Variants in RNASEH2A observed in about 807,000 individuals in gnomAD.
RNASEH2A encodes ribonuclease H2 subunit A, also known as RNase H(35).
A neutral mutation model predicts 32.7 loss-of-function variants in RNASEH2A; 30 were observed. The observed-to-expected ratio is 0.92, with a 90% CI of 0.69 to 1.25. The LOEUF is 1.25. Among genes scored for constraint, RNASEH2A ranks in the 50% most tolerant of loss-of-function variants. The pLI is 0.00. For missense variants in RNASEH2A, 409 were observed against 398.1 expected, an observed-to-expected ratio of 1.03 and a Z score of -0.23; for synonymous variants, 147 against 165.4, an observed-to-expected ratio of 0.89 and a Z score of 0.86.
At chr19:12,812,180 G>C (rs1204738233) in intron 6 of RNASEH2A, among the ~76,000 whole-genome samples, 1 of 151,916 alleles carries the variant, frequency 6.6e-6, no homozygotes, top group Non-Finnish European at 1.5e-5. Flanking sequence ...GTTGCATTGA[G>C]CTGTGATAAT....
intron 6 of RNASEH2A, among the ~76,000 whole-genome samples, chr19:12,812,320 G>C (rs933278794): frequency 1.3e-5 from 2 of 151,762 alleles, no homozygotes; most frequent in Non-Finnish European, 1.5e-5. Context: ...CTGAGGTCAG[G>C]AGTTTGAGAC....
intron 4 of RNASEH2A, among the ~76,000 whole-genome samples, chr19:12,808,751 A>G (rs768985663): frequency 1.3e-4 from 20 of 152,300 alleles, no homozygotes; most frequent in Non-Finnish European, 2.2e-4. Context: ...TCAATGAAAG[A>G]ATGGACCGTT....
chr19:12,810,022 C>T, intron 4 of RNASEH2A, 49 bp from the exon 5 acceptor site: 1 of 1,612,066 alleles, frequency 6.2e-7, no homozygotes, highest in South Asian at 1.1e-5. Flanking sequence ...GAGGCTAGAG[C>T]ATTGGTACAG....
At chr19:12,809,500 C>A (rs1315204450) in intron 4 of RNASEH2A, among the ~76,000 whole-genome samples, 1 of 152,120 alleles carries the variant, frequency 6.6e-6, no homozygotes, top group Non-Finnish European at 1.5e-5. Flanking sequence ...ACCACTACAC[C>A]TAGCTAACTT....
chr19:12,809,979 T>C lies in RNASEH2A; in HGVS notation c.412-92T>C, dbSNP rs944482714. 31 of 1,523,138 alleles carry C rather than the reference T, an allele frequency of 2.0e-5. No individual in the cohort carries two copies. In the African/African-American group the frequency reaches 4.1e-4, roughly 20 times the overall value. The allele number at this position is 1,523,138 out of a possible 1,614,324, so 94.4% of individuals were successfully genotyped here. ...CCTGGGGACGTGCTGGAGAAGAGGA[T>C]TCTGGGTAGCAGGAAGAACGTGCCA... On this transcript the variant is annotated intron_variant, in intron 4 of 7. Transcript: ENST00000221486.
Position 12,813,414 on chromosome 19 carries a change from C to G in RNASEH2A, c.848C>G (p.Ser283Cys). 3 of 1,614,174 alleles carry G rather than the reference C, an allele frequency of 1.9e-6. No individual in the cohort carries two copies. The highest frequency in any genetic ancestry group is 2.2e-5 in the East Asian group (1 of 44,876). ...LNEGSQARPR[S>C]SHRYFLERGL... Reference sequence around the variant, plus strand: ...GAAGGGTCCCAAGCCCGTCCCCGTTCTTCCCACCGATATTTCCTGGAACGC... The same window carrying G: ...GAAGGGTCCCAAGCCCGTCCCCGTTGTTCCCACCGATATTTCCTGGAACGC... Residue 283 changes from serine (S) to cysteine (C), a missense_variant, in exon 8 of 8, where the codon TCT becomes TGT. Transcript: ENST00000221486.
chr19:12,810,103 A>G lies in RNASEH2A; in HGVS notation c.444A>G (p.Thr148=). Reference sequence around the variant, plus strand: ...TGGACACCGTAGGGATGCCAGAGACATACCAGGCGCGGCTGCAGCAAAGTT... The same window carrying G: ...TGGACACCGTAGGGATGCCAGAGACGTACCAGGCGCGGCTGCAGCAAAGTT... ...VFVDTVGMPE[T]YQARLQQSFP... is the part of the protein sequence containing the mutation. The change falls in exon 5 of 8, where the codon ACA becomes ACG. Residue 148 remains threonine (T), a synonymous_variant. Transcript: ENST00000221486. 1.9e-6 allele frequency: 3 copies of G among 1,614,218 alleles called. No individual in the cohort carries two copies. The highest frequency in any genetic ancestry group is 2.5e-6 in the Non-Finnish European group (3 of 1,180,038).
At chr19:12,812,907 A>T (rs138908014) in intron 6 of RNASEH2A, among the ~76,000 whole-genome samples, 176 bp from the exon 7 acceptor site, 3,233 of 152,178 alleles carry the variant, frequency 0.021, 47 homozygotes, top group Non-Finnish European at 0.035. Flanking sequence ...TGGGAGGCTG[A>T]GGCAGGAGAA....
At chr19:12,806,913 A>T (rs1969000411) in intron 1 of RNASEH2A, 95 bp from the exon 2 acceptor site, 2 of 1,600,994 alleles carry the variant, frequency 1.2e-6, no homozygotes, top group African/African-American at 2.7e-5. Context: ...TGGCACCTAA[A>T]GAAGCAGTGA....
Position 12,806,587 on chromosome 19 carries a change from C to T in RNASEH2A, c.-87C>T. 2 of 1,533,666 alleles carry T rather than the reference C, an allele frequency of 1.3e-6. No individual in the cohort carries two copies. Among genetic ancestry groups the T allele is most frequent in the Non-Finnish European group, 1.8e-6 (2 of 1,132,042 alleles). On this transcript the variant is annotated 5_prime_UTR_variant, in exon 1 of 8. Transcript: ENST00000221486. ...TGCCCGCGGATTGGCCGGAAGCAGG[C>T]GCCGCTTCGAGGCCCGCGGAAAACG...
In RNASEH2A at chr19:12,813,156, C is replaced by G. The variant is rs1969097808; in HGVS notation, c.711C>G (p.Ser237Arg). Residue 237 changes from serine (S) to arginine (R), a missense_variant, in exon 7 of 8, where the codon AGC (serine) becomes AGG (arginine). Coordinates refer to ENST00000221486, the MANE Select transcript of RNASEH2A (RefSeq NM_006397.3). ...VFGFPQFVRF[S>R]WRTAQTILEK... The stretch of plus-strand genomic sequence containing the variant: ...GCTTCCCCCAGTTTGTCCGGTTCAG[C>G]TGGCGCACGGCCCAGACCATCCTGG... 1 of 1,614,030 alleles carries G rather than the reference C, an allele frequency of 6.2e-7. No homozygotes were observed. Among genetic ancestry groups the G allele is most frequent in the Non-Finnish European group, 8.5e-7 (1 of 1,180,000 alleles).
At chr19:12,808,419 G>A (rs934376034) in intron 4 of RNASEH2A, among the ~76,000 whole-genome samples, 4 of 151,750 alleles carry the variant, frequency 2.6e-5, no homozygotes, top group African/African-American at 7.3e-5. Context: ...CCCTAGTCCC[G>A]TCTCCATCTA....
rs1969102853 is a variant in RNASEH2A, at chr19:12,813,383, C to T, written c.817C>T (p.Leu273Phe). ...EGLRKITSYF[L>F]NEGSQARPRS... ...ACTCAGGAAGATCACATCCTACTTC[C>T]TCAATGAAGGGTCCCAAGCCCGTCC... is the stretch of plus-strand genomic sequence containing the variant. The change falls in exon 8 of 8, where the codon CTC (leucine) becomes TTC (phenylalanine). Residue 273 changes from leucine to phenylalanine, a missense_variant. By Grantham distance (22) the Leu-to-Phe change is conservative (BLOSUM62 0). Transcript: ENST00000221486. 6.2e-7 allele frequency: 1 copy of T among 1,614,034 alleles called. No homozygotes were observed. The highest frequency in any genetic ancestry group is 8.5e-7 in the Non-Finnish European group (1 of 1,180,028).
At chr19:12,811,979 C>T (rs1044006830) in intron 6 of RNASEH2A, among the ~76,000 whole-genome samples, 9 of 151,268 alleles carry the variant, frequency 5.9e-5, no homozygotes, top group Non-Finnish European at 8.8e-5. Context: ...GGCTCATGCC[C>T]GTAATCCTAG....
chr19:12,810,399 C>T lies in RNASEH2A; in HGVS notation c.632C>T (p.Pro211Leu), dbSNP rs1423742581. The T allele has an allele frequency of 1.2e-6, 2 of 1,613,768 alleles. No homozygotes were observed. Among genetic ancestry groups the T allele is most frequent in the East Asian group, 4.5e-5 (2 of 44,870 alleles). ...DLDTDYGSGY[P>L]NDPKTKAWLK... is the part of the protein sequence containing the mutation. ...GATACTGATTATGGCTCAGGCTACC[C>T]CAATGGTGAGCAGACACGTGACCAT... Residue 211 changes from proline to leucine, a missense_variant, in exon 6 of 8, where the codon CCC becomes CTC. Transcript: ENST00000221486.
intron 1 of RNASEH2A, 64 bp from the exon 2 acceptor site, chr19:12,806,944 G>A: frequency 1.2e-6 from 2 of 1,606,970 alleles, no homozygotes; most frequent in South Asian, 2.2e-5. Context: ...GGGATGAATG[G>A]CAACTTTCAC....
intron 6 of RNASEH2A, among the ~76,000 whole-genome samples, 189 bp downstream of exon 6, chr19:12,810,593 C>T (rs540621823): frequency 7.0e-4 from 106 of 151,878 alleles, no homozygotes; most frequent in Non-Finnish European, 1.3e-3. Context: ...TGTAATGGTG[C>T]GATCTCGGCT....
intron 1 of RNASEH2A, 62 bp downstream of exon 1, chr19:12,806,862 G>A: frequency 1.3e-6 from 2 of 1,594,906 alleles, no homozygotes; most frequent in Non-Finnish European, 8.5e-7. Flanking sequence ...AACGGGAGTC[G>A]GGATTGCACT....
chr19:12,809,180 C>G (rs1331114604), intron 4 of RNASEH2A, among the ~76,000 whole-genome samples: 2 of 152,126 alleles, frequency 1.3e-5, no homozygotes, highest in Non-Finnish European at 1.5e-5. Flanking sequence ...CGAGACCAGC[C>G]TGACCAACAT....
Sources: allele counts gnomAD v4.1 joint callset (sites outside exome capture counted in the v4.1 genomes callset), GRCh38; gene constraint gnomAD v4.1.1; transcripts MANE v1.5; gene names NCBI Gene and HGNC (gene_info 2026-07-23, HGNC 2026-07-21).